The following CRACD variants were observed in gnomAD, a reference collection of about 807,000 sequenced individuals.
CRACD encodes capping protein inhibiting regulator of actin dynamics.
CRACD carries 56 observed loss-of-function variants against 106.8 expected under a neutral mutation model. The ratio of observed to expected loss-of-function variants is 0.52; its 90% CI spans 0.42 to 0.66. The LOEUF is 0.66. Ranked by LOEUF, CRACD falls within the 30% of genes least tolerant of loss-of-function variation. The pLI, the probability that CRACD is intolerant of heterozygous loss-of-function variation, is 0.00. For synonymous variants in CRACD, 754 were observed against 670.8 expected (o/e 1.12, Z -1.92); for missense variants, 1,730 against 1,623.2 (o/e 1.07, Z -1.13).
At chr4:56,301,084 A>G in intron 4 of CRACD, 1 of 447,920 alleles carries the variant, frequency 2.2e-6, no homozygotes, top group Non-Finnish European at 3.8e-6. Context: ...CTCTGTAGTT[A>G]TACTTTTGAA....
At chr4:56,114,254 T>C (rs1352428872) in intron 1 of CRACD, among the ~76,000 whole-genome samples, 2 of 151,352 alleles carry the variant, frequency 1.3e-5, no homozygotes, top group East Asian at 4.0e-4. Context: ...AGGCACCTAT[T>C]GGCAAGCATA....
At chr4:56,067,498 A>T (rs1239245362) in intron 1 of CRACD, among the ~76,000 whole-genome samples, 1 of 152,234 alleles carries the variant, frequency 6.6e-6, no homozygotes, top group Non-Finnish European at 1.5e-5. Context: ...GCATGGATTC[A>T]TGTATATAAT....
At position 56,314,918 on chromosome 4, in the gene CRACD, G is replaced by C; in HGVS notation, c.1416G>C (p.Gln472His). 1.9e-6 allele frequency: 3 copies of C among 1,605,856 alleles called. No individual in the cohort carries two copies. Among genetic ancestry groups the C allele is most frequent in the Non-Finnish European group, 2.5e-6 (3 of 1,177,278 alleles). The change falls in exon 8 of 11, where the codon CAG (glutamine) becomes CAC (histidine). Residue 472 changes from glutamine (Q) to histidine (H), a missense_variant. Gln to His is a conservative substitution (Grantham distance 24). This residue lies in a region of CRACD where 1,620 missense variants were observed against 1,481.6 expected (regional missense o/e 1.09). Transcript: ENST00000682029. The surrounding 1 kb of genome is among the most constrained non-coding windows in gnomAD (Gnocchi z 4.4). ...AGCAGGGAAGGAGCGGGGATTTCCA[G>C]GGGGCCGATCGTCCTGGGCCCGAGG... is the stretch of plus-strand genomic sequence containing the variant. ...REQQGRSGDF[Q>H]GADRPGPEEK...
intron 1 of CRACD, among the ~76,000 whole-genome samples, chr4:56,090,595 A>G (rs555876247): frequency 2.9e-4 from 44 of 152,192 alleles, no homozygotes; most frequent in African/African-American, 1.0e-3. Flanking sequence ...AGGTTTTGCC[A>G]TGTTGCCCAG....
chr4:56,272,401 G>T lies in CRACD; in HGVS notation c.-108G>T, dbSNP rs1040664584. 1 of 152,682 alleles carries T rather than the reference G, an allele frequency of 6.5e-6. No individual in the cohort carries two copies. Among genetic ancestry groups the T allele is most frequent in the Non-Finnish European group, 1.5e-5 (1 of 68,068 alleles). 9.5% of individuals were successfully genotyped at this position (152,682 alleles called of 1,614,324 possible). The stretch of plus-strand genomic sequence containing the variant: ...AAAGAAAGACCCTTCGTTGTTCCGG[G>T]TGCCGTCGTTGGGGAAGAAGAGTTA... On this transcript the variant is annotated 5_prime_UTR_variant, in exon 3 of 11. Coordinates refer to ENST00000682029, the MANE Select transcript of CRACD (RefSeq NM_001393381.1).
At chr4:56,189,023 A>G (rs1486016368) in intron 2 of CRACD, among the ~76,000 whole-genome samples, 2 of 152,140 alleles carry the variant, frequency 1.3e-5, no homozygotes, top group Admixed American at 1.3e-4. Context: ...ATGTCTACTA[A>G]AAATACAAAA....
chr4:56,116,021 G>T (rs1441128339), intron 1 of CRACD, among the ~76,000 whole-genome samples: 2 of 152,166 alleles, frequency 1.3e-5, no homozygotes, highest in Admixed American at 6.5e-5. Flanking sequence ...GCAGCTCCTT[G>T]TTTTTCTCTG....
At chr4:56,291,572 A>G (rs1743706688) in intron 3 of CRACD, among the ~76,000 whole-genome samples, 1 of 152,212 alleles carries the variant, frequency 6.6e-6, no homozygotes. Flanking sequence ...TCTACATTGT[A>G]GAGTTGTTTG....
chr4:56,112,415 G>A (rs1471425081), intron 1 of CRACD, among the ~76,000 whole-genome samples: 1 of 152,184 alleles, frequency 6.6e-6, no homozygotes, highest in East Asian at 1.9e-4. Context: ...CGGGAGAGAG[G>A]TGGAAACCCC....
At chr4:56,106,405 T>G (rs1733950786) in intron 1 of CRACD, among the ~76,000 whole-genome samples, 1 of 152,246 alleles carries the variant, frequency 6.6e-6, no homozygotes, top group Non-Finnish European at 1.5e-5. Context: ...AAATAAACTC[T>G]GGAGACTGCT....
chr4:56,088,835 C>T (rs1217178352), intron 1 of CRACD, among the ~76,000 whole-genome samples: 1 of 152,168 alleles, frequency 6.6e-6, no homozygotes, highest in Non-Finnish European at 1.5e-5. Flanking sequence ...AAGCAATTCT[C>T]CTGCCTCAGC....
chr4:56,285,085 A>G (rs1028814683), intron 3 of CRACD, among the ~76,000 whole-genome samples: 54 of 152,218 alleles, frequency 3.5e-4, no homozygotes, highest in African/African-American at 1.3e-3. Context: ...AAAGGGAAGC[A>G]AGCATGTCTT....
intron 2 of CRACD, among the ~76,000 whole-genome samples, chr4:56,261,274 C>T (rs1741686776): frequency 1.3e-5 from 2 of 152,074 alleles, no homozygotes; most frequent in African/African-American, 4.8e-5. Flanking sequence ...ACAACCCACA[C>T]ATCTTCTAGC....
intron 1 of CRACD, among the ~76,000 whole-genome samples, chr4:56,106,429 A>G (rs1733951871): frequency 6.6e-6 from 1 of 152,150 alleles, no homozygotes; most frequent in Non-Finnish European, 1.5e-5. Context: ...GTTTAAAAGC[A>G]CTCATCCTTA....
Position 56,165,628 on chromosome 4 carries a change from A to G in CRACD, c.-335-13656A>G, listed in dbSNP as rs548590640. ...GACCCAGAATCTCAGTACTTCATGC[A>G]TTAGGGAATAACTTTAAGGTTAAAT... On this transcript the variant is annotated intron_variant, in intron 1 of 10. Coordinates refer to ENST00000682029, the MANE Select transcript of CRACD (RefSeq NM_001393381.1). 8.5e-5 allele frequency among the ~76,000 whole-genome samples: 13 copies of G among 152,338 alleles called. No individual in the cohort carries two copies. In the East Asian group the frequency reaches 2.3e-3, roughly 27 times the overall value.
chr4:56,159,433 G>A (rs1274270284), intron 1 of CRACD, among the ~76,000 whole-genome samples: 3 of 152,128 alleles, frequency 2.0e-5, no homozygotes, highest in Non-Finnish European at 4.4e-5. Flanking sequence ...GGTGGATCAC[G>A]AGGTCAGGAG....
chr4:56,199,446 G>A (rs1737773331), intron 2 of CRACD, among the ~76,000 whole-genome samples: 1 of 152,126 alleles, frequency 6.6e-6, no homozygotes, highest in Non-Finnish European at 1.5e-5. Context: ...CACTTTGGGA[G>A]GCCGAGGCGG....
At chr4:56,217,283 G>A (rs1029888116) in intron 2 of CRACD, among the ~76,000 whole-genome samples, 1 of 152,190 alleles carries the variant, frequency 6.6e-6, no homozygotes, top group African/African-American at 2.4e-5. Context: ...CCAAGGTTAA[G>A]GACATACTCA....
In CRACD at chr4:56,183,187, T is replaced by A. The variant is rs1002970960; in HGVS notation, c.-189+3757T>A. Among the ~76,000 whole-genome samples, 5 of 149,958 alleles carry A rather than the reference T, an allele frequency of 3.3e-5. No individual in the cohort carries two copies. In the East Asian group the frequency reaches 9.8e-4, roughly 29 times the overall value. On this transcript the variant is annotated intron_variant, in intron 2 of 10. Transcript: ENST00000682029. ...AGCGGAGGTTGCGGTGAGCCAAGAT[T>A]GCGCCGTTGCACTCCAGCCTGGGCT...
Sources: gnomAD v4.1 joint callset for allele counts (sites outside exome capture counted in the v4.1 genomes callset) on GRCh38, gnomAD v4.1.1 for gene constraint, gnomAD v4.1.1 regional missense constraint, Gnocchi (gnomAD v3.1) non-coding constraint, MANE v1.5 for transcripts, NCBI Gene and HGNC (gene_info 2026-07-23, HGNC 2026-07-21) for gene names.